Variants in CERS3 observed in about 807,000 individuals in gnomAD.
CERS3 encodes ceramide synthase 3.
CERS3 carries 33 observed loss-of-function variants against 50.3 expected under a neutral mutation model. The observed-to-expected ratio is 0.66, with a 90% CI of 0.50 to 0.88. The LOEUF is 0.88. CERS3 is among the 40% of genes least tolerant of loss of function. The pLI, the probability that CERS3 is intolerant of heterozygous loss-of-function variation, is 0.00. For missense variants in CERS3, 470 were observed against 460.3 expected (o/e 1.02, Z -0.19); for synonymous variants, 176 against 155.2 (o/e 1.13, Z -0.99).
chr15:100,466,064 G>A (rs1193736795), intron 10 of CERS3, among the ~76,000 whole-genome samples: 2 of 152,206 alleles, frequency 1.3e-5, no homozygotes, highest in African/African-American at 4.8e-5. Context: ...CAATGGGCAA[G>A]TGAATTCAGT....
intron 5 of CERS3, 44 bp from the exon 6 acceptor site, chr15:100,480,090 T>C (rs757360864): frequency 2.1e-6 from 3 of 1,418,714 alleles, no homozygotes; most frequent in African/African-American, 2.9e-5. Context: ...TAAAGGTAAC[T>C]GAGATTTGAG....
At chr15:100,438,652 C>T (rs1357124036) in intron 11 of CERS3, among the ~76,000 whole-genome samples, 1 of 152,228 alleles carries the variant, frequency 6.6e-6, no homozygotes, top group East Asian at 1.9e-4. Flanking sequence ...ATGTTCCTCT[C>T]TTTAGCTAAA....
chr15:100,409,921 G>A (rs975450820), intron 11 of CERS3, among the ~76,000 whole-genome samples: 1 of 152,180 alleles, frequency 6.6e-6, no homozygotes, highest in African/African-American at 2.4e-5. Flanking sequence ...ATGATTTTGT[G>A]CGCAGTTCTT....
At chr15:100,415,554 A>G (rs527663248) in intron 11 of CERS3, among the ~76,000 whole-genome samples, 2 of 152,318 alleles carry the variant, frequency 1.3e-5, no homozygotes, top group African/African-American at 2.4e-5. Flanking sequence ...ATGCCCATCA[A>G]TGATAGATTA....
intron 2 of CERS3, 123 bp from the exon 3 acceptor site, chr15:100,501,973 G>T: frequency 2.1e-6 from 2 of 972,780 alleles, no homozygotes; most frequent in Non-Finnish European, 3.0e-6. Context: ...GAGGCCTAGC[G>T]CAGTGGCTCA....
At chr15:100,543,378 C>T (rs2037248227) in intron 1 of CERS3, among the ~76,000 whole-genome samples, 1 of 152,148 alleles carries the variant, frequency 6.6e-6, no homozygotes, top group African/African-American at 2.4e-5. Flanking sequence ...ATTTTGTTCT[C>T]ATTTCAGGTG....
chr15:100,543,038 T>C (rs2037238505), intron 1 of CERS3, among the ~76,000 whole-genome samples: 1 of 151,680 alleles, frequency 6.6e-6, no homozygotes, highest in African/African-American at 2.4e-5. Context: ...CTCAGCCTCC[T>C]GAGTAGCTGG....
At position 100,536,130 on chromosome 15, in the gene CERS3, G is replaced by T. The variant is rs560992424; in HGVS notation, c.-354-7055C>A. Among the ~76,000 whole-genome samples the T allele has an allele frequency of 5.2e-4, 56 of 107,660 alleles. 1 individual carries two copies. In the East Asian group the frequency reaches 0.012, roughly 23 times the overall value. The allele number at this position is 107,660 out of a possible 152,430, so 70.6% of individuals were successfully genotyped here. ...ATATCCCTGTGCTCATATGTGCACG[G>T]GAAGTGGGGATATCCCTGTGCTCAT... On this transcript the variant is annotated intron_variant, in intron 1 of 12. Coordinates refer to the CERS3 transcript ENST00000284382.
At chr15:100,536,450 A>G (rs780758396) in intron 1 of CERS3, among the ~76,000 whole-genome samples, 46 of 152,160 alleles carry the variant, frequency 3.0e-4, no homozygotes, top group Non-Finnish European at 5.6e-4. Context: ...ATGCCTGGCT[A>G]GTTTTTGCAT....
intron 3 of CERS3, among the ~76,000 whole-genome samples, chr15:100,492,727 C>T (rs1196625805): frequency 1.3e-5 from 2 of 152,042 alleles, no homozygotes; most frequent in African/African-American, 4.8e-5. Context: ...TTATGTCTGC[C>T]ATTTTGCTAT....
In CERS3 at chr15:100,466,832, C is replaced by CTCTCTTTCTCTCTTTCTCT. The variant is rs1555528069; in HGVS notation, c.845+2545_845+2546insAGAGAAAGAGAGAAAGAGA. 1.5e-3 allele frequency among the ~76,000 whole-genome samples: 28 copies of CTCTCTTTCTCTCTTTCTCT among 18,800 alleles called. 3 individuals are homozygous for CTCTCTTTCTCTCTTTCTCT. Among genetic ancestry groups the CTCTCTTTCTCTCTTTCTCT allele is most frequent in the South Asian group, 6.8e-3 (2 of 294 alleles). The allele number at this position is 18,800 out of a possible 152,430, so 12.3% of individuals were successfully genotyped here. A position where few individuals can be genotyped will look rare whatever the true frequency, so the allele number is the denominator to read the frequency against. Reference sequence around the variant, plus strand: ...CCCTCCCTCCCTCTCTCCCTCTCTCCCTCTCTCCCTCTCTCTTTCTCTCTT... The same window carrying CTCTCTTTCTCTCTTTCTCT: ...CCCTCCCTCCCTCTCTCCCTCTCTCCTCTCTTTCTCTCTTTCTCTCTCTCTCCCTCTCTCTTTCTCTCTT... On this transcript the variant is annotated intron_variant, in intron 10 of 11. Transcript: ENST00000679737.
intron 11 of CERS3, among the ~76,000 whole-genome samples, chr15:100,450,556 T>C (rs1003050622): frequency 2.6e-5 from 4 of 151,114 alleles, no homozygotes; most frequent in African/African-American, 9.7e-5. Context: ...CTACAGGACA[T>C]ATGGGACACT....
chr15:100,491,576 C>A (rs939280558), intron 3 of CERS3, among the ~76,000 whole-genome samples: 16 of 152,036 alleles, frequency 1.1e-4, no homozygotes, highest in Non-Finnish European at 7.4e-5. Flanking sequence ...CCACTATAAT[C>A]TTTATTATTT....
intron 2 of CERS3, among the ~76,000 whole-genome samples, chr15:100,518,352 A>G (rs2036550598): frequency 6.6e-6 from 1 of 152,166 alleles, no homozygotes; most frequent in African/African-American, 2.4e-5. Flanking sequence ...GGACAGAGAG[A>G]GAGAGAGCAT....
At chr15:100,503,851 G>A in intron 2 of CERS3, 1 of 430,608 alleles carries the variant, frequency 2.3e-6, no homozygotes, top group Non-Finnish European at 4.8e-6. Context: ...AACGCCATCT[G>A]TGGGATGCAA....
At chr15:100,502,397 A>C (rs1374103579) in intron 2 of CERS3, among the ~76,000 whole-genome samples, 1 of 152,104 alleles carries the variant, frequency 6.6e-6, no homozygotes, top group East Asian at 1.9e-4. Context: ...TTATGGAAAA[A>C]CTCAAGTTTA....
At chr15:100,465,175 C>G (rs186741576) in intron 10 of CERS3, among the ~76,000 whole-genome samples, 1 of 152,024 alleles carries the variant, frequency 6.6e-6, no homozygotes, top group East Asian at 1.9e-4. Context: ...AAGAACAGAG[C>G]AACTAGATTG....
At chr15:100,498,950 C>A (rs945342719) in intron 3 of CERS3, among the ~76,000 whole-genome samples, 1 of 152,134 alleles carries the variant, frequency 6.6e-6, no homozygotes, top group African/African-American at 2.4e-5. Context: ...ATGAAAAAGT[C>A]TAATGTGCAT....
At chr15:100,458,560 T>C (rs1240478212) in intron 10 of CERS3, among the ~76,000 whole-genome samples, 1 of 147,086 alleles carries the variant, frequency 6.8e-6, no homozygotes, top group East Asian at 2.0e-4. Flanking sequence ...CACTCTAGCC[T>C]GGGTGACAGA....
Sources: gnomAD v4.1 joint callset for allele counts (sites outside exome capture counted in the v4.1 genomes callset) on GRCh38, gnomAD v4.1.1 for gene constraint, MANE v1.5 for transcripts, NCBI Gene and HGNC (gene_info 2026-07-23, HGNC 2026-07-21) for gene names.